Variants in LRRK1 observed in about 807,000 individuals in gnomAD.
The protein encoded by LRRK1 is leucine-rich repeat serine/threonine-protein kinase 1.
In LRRK1, 113 loss-of-function variants were observed where a neutral mutation model predicts 209.1. The ratio of observed to expected loss-of-function variants is 0.54; its 90% CI spans 0.46 to 0.63. The LOEUF (loss-of-function observed/expected upper bound fraction) is 0.63, where lower values mean the gene tolerates loss of function less well. LRRK1 is among the 30% of genes least tolerant of loss of function. The pLI, the probability that LRRK1 is intolerant of heterozygous loss-of-function variation, is 0.00. For missense variants in LRRK1, 2,284 were observed against 2,632.2 expected (o/e 0.87, Z 2.89); for synonymous variants, 1,144 against 1,099.7 (o/e 1.04, Z -0.80).
chr15:101,003,826 T>C (rs573853364), intron 6 of LRRK1, among the ~76,000 whole-genome samples: 26 of 152,270 alleles, frequency 1.7e-4, no homozygotes, highest in Admixed American at 1.6e-3. Flanking sequence ...CAGCCCACCT[T>C]GTACTTCCCA....
chr15:101,025,535 T>C (rs1414647301), intron 16 of LRRK1, among the ~76,000 whole-genome samples: 3 of 152,256 alleles, frequency 2.0e-5, no homozygotes, highest in African/African-American at 7.2e-5. Flanking sequence ...GGCTTCAGCA[T>C]CTGTTGGCTT....
Position 101,066,224 on chromosome 15 carries a change from G to A in LRRK1, c.5768+19G>A, listed in dbSNP as rs1435331333. On this transcript the variant is annotated intron_variant, in intron 32 of 33. Coordinates refer to ENST00000388948, the MANE Select transcript of LRRK1 (RefSeq NM_024652.6). ...TCCCCAGGTACGTTTCCCGAGGTGA[G>A]GGCACCATCCAGGGCACGCCCACTG... is the stretch of plus-strand genomic sequence containing the variant. 6.3e-7 allele frequency: 1 copy of A among 1,587,368 alleles called. No individual in the cohort carries two copies. Among genetic ancestry groups the A allele is most frequent in the Admixed American group, 1.7e-5 (1 of 59,034 alleles).
intron 33 of LRRK1, 136 bp from the exon 34 acceptor site, chr15:101,068,535 C>G (rs1294951406): frequency 3.5e-6 from 3 of 868,340 alleles, no homozygotes; most frequent in East Asian, 5.5e-5. Flanking sequence ...CAGCACACCC[C>G]AGAGAGGGCT....
At chr15:101,014,934 C>G (rs2033457618) in intron 11 of LRRK1, among the ~76,000 whole-genome samples, 1 of 152,238 alleles carries the variant, frequency 6.6e-6, no homozygotes, top group South Asian at 2.1e-4. Flanking sequence ...TCTCTCACTT[C>G]AGCCCAATCT....
intron 20 of LRRK1, among the ~76,000 whole-genome samples, chr15:101,030,595 C>T (rs1287676063): frequency 6.6e-6 from 1 of 152,108 alleles, no homozygotes; most frequent in Non-Finnish European, 1.5e-5. Context: ...CGGAACTGTG[C>T]TCAGGGAGTG....
In LRRK1 at chr15:101,049,776, GT is replaced by G. The variant is rs2035295556; in HGVS notation, c.3435del (p.Ala1147ProfsTer2). On this transcript the variant is annotated frameshift_variant, in exon 23 of 34. Transcript: ENST00000388948. LOFTEE classifies it high-confidence loss of function. Reference protein sequence around the residue: ...DHVNSLIDQWFPALTATESDG... With the variant: ...DHVNSLIDQWXPALTATESDG... ...ACGTCAATTCCTTGATTGATCAGTG[GT>G]TTCCCGGTAAGAGGAGATGCTAGAA... The G allele has an allele frequency of 4.3e-6, 7 of 1,613,246 alleles. No homozygotes were observed. Among genetic ancestry groups the G allele is most frequent in the Non-Finnish European group, 5.1e-6 (6 of 1,179,536 alleles).
chr15:101,047,879 T>C (rs575333934), intron 21 of LRRK1, among the ~76,000 whole-genome samples: 7 of 152,346 alleles, frequency 4.6e-5, no homozygotes, highest in Admixed American at 4.6e-4. Flanking sequence ...GCCTTTCTCA[T>C]GTAACTCAAG....
intron 3 of LRRK1, among the ~76,000 whole-genome samples, chr15:100,974,355 T>C (rs1393708623): frequency 6.6e-6 from 1 of 152,228 alleles, no homozygotes; most frequent in Non-Finnish European, 1.5e-5. Context: ...ACAAAAAAGT[T>C]ACCAAATTCC....
At chr15:101,015,497 C>G in intron 12 of LRRK1, 95 bp downstream of exon 12, 1 of 908,146 alleles carries the variant, frequency 1.1e-6, no homozygotes, top group Non-Finnish European at 1.7e-6. Flanking sequence ...TATCTTGGGC[C>G]TTCCCCTTCA....
At chr15:100,939,226 C>T (rs1487389442) in intron 2 of LRRK1, among the ~76,000 whole-genome samples, 1 of 152,210 alleles carries the variant, frequency 6.6e-6, no homozygotes, top group Non-Finnish European at 1.5e-5. Flanking sequence ...GGACATGGGA[C>T]AGTACAGTTC....
chr15:100,971,706 A>G (rs2030896356), intron 2 of LRRK1, among the ~76,000 whole-genome samples: 1 of 152,176 alleles, frequency 6.6e-6, no homozygotes, highest in Non-Finnish European at 1.5e-5. Flanking sequence ...CTACTCTGCT[A>G]TCAAACATTG....
chr15:101,059,407 G>A (rs529344042), intron 29 of LRRK1, among the ~76,000 whole-genome samples: 1 of 151,396 alleles, frequency 6.6e-6, no homozygotes, highest in South Asian at 2.1e-4. Flanking sequence ...CAGAAAAAAA[G>A]AGAAGTTATT....
chr15:100,977,876 AC>A (rs1453499411), intron 3 of LRRK1, among the ~76,000 whole-genome samples: 3 of 152,158 alleles, frequency 2.0e-5, no homozygotes, highest in African/African-American at 7.2e-5. Flanking sequence ...CTGAGACAAG[AC>A]AACCAAGAGA....
At chr15:100,996,921 G>A (rs2032443753) in intron 6 of LRRK1, among the ~76,000 whole-genome samples, 1 of 152,196 alleles carries the variant, frequency 6.6e-6, no homozygotes, top group Admixed American at 6.5e-5. Context: ...ATAAGAAAGA[G>A]AATAAGAGTA....
intron 23 of LRRK1, 93 bp from the exon 24 acceptor site, chr15:101,051,618 G>T: frequency 1.3e-6 from 2 of 1,493,002 alleles, no homozygotes; most frequent in East Asian, 2.3e-5. Context: ...CCCCTGCTGC[G>T]AAGGCCTCAG....
chr15:100,993,499 A>G (rs2032261111), intron 6 of LRRK1, among the ~76,000 whole-genome samples: 1 of 152,300 alleles, frequency 6.6e-6, no homozygotes, highest in Middle Eastern at 3.4e-3. Context: ...TGACTCATCA[A>G]TACCTATTTT....
In LRRK1 at chr15:101,024,055, C is replaced by T. The variant is rs546093398; in HGVS notation, c.2068-748C>T. ...GACCTTCACCCCCACTTCCTTTCTG[C>T]GATGATTAAAACCCCCTACCCTTTA... On this transcript the variant is annotated intron_variant, in intron 15 of 33. Transcript: ENST00000388948. The surrounding 1 kb of genome is among the most constrained non-coding windows in gnomAD (Gnocchi z 4.6). Among the ~76,000 whole-genome samples, 1 of 152,190 alleles carries T rather than the reference C, an allele frequency of 6.6e-6. No individual in the cohort carries two copies. The highest frequency in any genetic ancestry group is 2.4e-5 in the African/African-American group (1 of 41,516).
Position 101,051,977 on chromosome 15 carries a change from C to T in LRRK1, c.3689+17C>T. 1 of 1,609,446 alleles carries T rather than the reference C, an allele frequency of 6.2e-7. No homozygotes were observed. The highest frequency in any genetic ancestry group is 8.5e-7 in the Non-Finnish European group (1 of 1,177,342). On this transcript the variant is annotated intron_variant, in intron 24 of 33. Coordinates refer to ENST00000388948, the MANE Select transcript of LRRK1 (RefSeq NM_024652.6). Reference sequence around the variant, plus strand: ...CCCGGCCAGGTATGCCCCGAAGGCCCCTCCCAGAACACAGTGCAGGTCACA... The same window carrying T: ...CCCGGCCAGGTATGCCCCGAAGGCCTCTCCCAGAACACAGTGCAGGTCACA...
intron 28 of LRRK1, 104 bp from the exon 29 acceptor site, chr15:101,057,886 T>C: frequency 8.1e-7 from 1 of 1,241,614 alleles, no homozygotes; most frequent in Admixed American, 1.9e-5. Context: ...ATGAACAGAA[T>C]CCCTCATTCC....
Sources: allele counts gnomAD v4.1 joint callset (sites outside exome capture counted in the v4.1 genomes callset), GRCh38; gene constraint gnomAD v4.1.1; non-coding constraint Gnocchi (gnomAD v3.1); transcripts MANE v1.5; gene names NCBI Gene and HGNC (gene_info 2026-07-23, HGNC 2026-07-21).